AGAP1: variants seen among roughly 807,000 people sequenced by gnomAD.
The protein encoded by AGAP1 is arf-GAP with GTPase, ANK repeat and PH domain-containing protein 1.
In AGAP1, 29 loss-of-function variants were observed where a neutral mutation model predicts 105.3. That is an observed-to-expected ratio of 0.28 (90% CI 0.21 to 0.38). The LOEUF (loss-of-function observed/expected upper bound fraction) is 0.38, where lower values mean the gene tolerates loss of function less well. AGAP1 is among the 10% of genes least tolerant of loss of function. The pLI, the probability that AGAP1 is intolerant of heterozygous loss-of-function variation, is 1.00. For missense variants in AGAP1, 998 were observed against 1,165.1 expected (o/e 0.86, Z 2.09); for synonymous variants, 509 against 485.9 (o/e 1.05, Z -0.63).
intron 9 of AGAP1, among the ~76,000 whole-genome samples, chr2:235,837,228 G>A (rs550734260): frequency 2.0e-5 from 3 of 152,086 alleles, no homozygotes; most frequent in East Asian, 1.9e-4. Flanking sequence ...CAGGTGATCC[G>A]CCCACCTCGG....
At chr2:235,730,868 A>G (rs1023642536) in intron 3 of AGAP1, among the ~76,000 whole-genome samples, 2 of 152,006 alleles carry the variant, frequency 1.3e-5, no homozygotes, top group African/African-American at 4.8e-5. Context: ...GGTGGGGCCA[A>G]TCATTATGTG....
intron 16 of AGAP1, among the ~76,000 whole-genome samples, chr2:236,064,862 A>G (rs2058302658): frequency 1.3e-5 from 2 of 150,590 alleles, no homozygotes. Context: ...TTCTAAACAC[A>G]TAAAATGAAA....
intron 1 of AGAP1, among the ~76,000 whole-genome samples, chr2:235,594,889 T>TTG (rs1553575347): frequency 2.3e-4 from 34 of 150,710 alleles, no homozygotes; most frequent in African/African-American, 7.1e-4. Flanking sequence ...TGCTGTTTTT[T>TTG]TTTTTTTTTT....
Position 236,077,323 on chromosome 2 carries a change from C to CTT in AGAP1, c.2114+28056_2114+28057dup, listed in dbSNP as rs552986627. Among the ~76,000 whole-genome samples, 702 of 136,532 alleles carry CTT rather than the reference C, an allele frequency of 5.1e-3. 6 individuals are homozygous for CTT. Among genetic ancestry groups the CTT allele is most frequent in the South Asian group, 0.014 (59 of 4,162 alleles). The allele number at this position is 136,532 out of a possible 152,430, so 89.6% of individuals were successfully genotyped here. On this transcript the variant is annotated intron_variant, in intron 16 of 17. Coordinates refer to ENST00000304032, the MANE Select transcript of AGAP1 (RefSeq NM_001037131.3). ...TCTTCTCATGTCCTTATGTATGTCT[C>CTT]TTTTTTTTTTTTTTTGAGACAGTTT...
chr2:235,736,767 G>A lies in AGAP1; in HGVS notation c.311-4196G>A, dbSNP rs1360863396. ...GAGGTGGGAGGATCTTTTGAGCCTA[G>A]GCAGTCGAGGCTGCAGTGAGTCATG... On this transcript the variant is annotated intron_variant, in intron 3 of 17. Transcript: ENST00000304032. The surrounding 1 kb of genome is among the most constrained non-coding windows in gnomAD (Gnocchi z 5.5). Among the ~76,000 whole-genome samples the A allele has an allele frequency of 1.3e-5, 2 of 152,154 alleles. No individual in the cohort carries two copies. The highest frequency in any genetic ancestry group is 2.9e-5 in the Non-Finnish European group (2 of 68,024).
chr2:235,699,197 G>A (rs1188662171), intron 1 of AGAP1, among the ~76,000 whole-genome samples: 1 of 152,176 alleles, frequency 6.6e-6, no homozygotes, highest in African/African-American at 2.4e-5. Context: ...CTTTGGTGGG[G>A]TGTTACTGCT....
chr2:235,910,017 T>C, intron 11 of AGAP1, among the ~76,000 whole-genome samples: 1 of 58,462 alleles, frequency 1.7e-5, no homozygotes, highest in East Asian at 4.7e-3. Flanking sequence ...AGACTCTATC[T>C]CAAAAAAAAA....
At chr2:235,968,770 C>A in intron 13 of AGAP1, 147 bp downstream of exon 13, 1 of 786,200 alleles carries the variant, frequency 1.3e-6, no homozygotes, top group Non-Finnish European at 2.0e-6. Flanking sequence ...CAAGGTGGCA[C>A]GAGAGGGCCC....
Position 235,936,052 on chromosome 2 carries a change from C to G in AGAP1, c.1483+5129C>G, listed in dbSNP as rs541475583. Among the ~76,000 whole-genome samples the G allele has an allele frequency of 6.6e-6, 1 of 152,204 alleles. No homozygotes were observed. The highest frequency in any genetic ancestry group is 1.5e-5 in the Non-Finnish European group (1 of 68,038). On this transcript the variant is annotated intron_variant, in intron 12 of 17. Transcript: ENST00000304032. This position sits in a 1 kb window ranked among gnomAD's most constrained non-coding sequence, Gnocchi z 4.7. The stretch of plus-strand genomic sequence containing the variant: ...GCTAATGCTGTTGCCATGGCAGCCT[C>G]GCTCCCCCAGCCCTGGACTGTCAGG...
intron 9 of AGAP1, among the ~76,000 whole-genome samples, chr2:235,809,952 C>G (rs1360786932): frequency 6.6e-6 from 1 of 152,150 alleles, no homozygotes; most frequent in African/African-American, 2.4e-5. Context: ...GCTGTGTTCT[C>G]CTTATTTTAA....
chr2:235,828,436 G>A (rs764817380), intron 9 of AGAP1, among the ~76,000 whole-genome samples: 21 of 152,192 alleles, frequency 1.4e-4, no homozygotes, highest in Non-Finnish European at 2.2e-4. Context: ...GCTCAGAGAA[G>A]TTGAGCCACT....
Position 235,893,344 on chromosome 2 carries a change from G to A in AGAP1, c.1155+9895G>A, listed in dbSNP as rs990764326. Among the ~76,000 whole-genome samples the A allele has an allele frequency of 1.3e-5, 2 of 150,912 alleles. No individual in the cohort carries two copies. Among genetic ancestry groups the A allele is most frequent in the African/African-American group, 4.9e-5 (2 of 40,938 alleles). ...TCTGTGGCATGGGTGTGGCTTGTCTGTGGTGTGGGTGTGCCGTGTCCATCA... is the reference window on the plus strand; with the variant it reads ...TCTGTGGCATGGGTGTGGCTTGTCTATGGTGTGGGTGTGCCGTGTCCATCA... On this transcript the variant is annotated intron_variant, in intron 10 of 17. Transcript: ENST00000304032. The surrounding 1 kb of genome is among the most constrained non-coding windows in gnomAD (Gnocchi z 4.7).
At chr2:235,616,573 C>A (rs1049439409) in intron 1 of AGAP1, among the ~76,000 whole-genome samples, 4 of 151,634 alleles carry the variant, frequency 2.6e-5, no homozygotes, top group Non-Finnish European at 5.9e-5. Flanking sequence ...AATTTCATTT[C>A]TGCCTATCTT....
rs1007841131 is a variant in AGAP1, at chr2:235,963,617, G to A, written c.1484-4845G>A. ...TATGTGAGCTGAACACAAAGACAGT[G>A]TAATTTATCTAGGCTCAGTGGTCAC... On this transcript the variant is annotated intron_variant, in intron 12 of 17. Transcript: ENST00000304032. The surrounding 1 kb of genome is among the most constrained non-coding windows in gnomAD (Gnocchi z 5.1). Among the ~76,000 whole-genome samples, 1 of 152,188 alleles carries A rather than the reference G, an allele frequency of 6.6e-6. No homozygotes were observed. Among genetic ancestry groups the A allele is most frequent in the Non-Finnish European group, 1.5e-5 (1 of 68,024 alleles).
chr2:235,639,642 T>G lies in AGAP1; in HGVS notation c.164-69537T>G, dbSNP rs953817393. Among the ~76,000 whole-genome samples, 1 of 152,172 alleles carries G rather than the reference T, an allele frequency of 6.6e-6. No homozygotes were observed. Among genetic ancestry groups the G allele is most frequent in the Non-Finnish European group, 1.5e-5 (1 of 68,038 alleles). On this transcript the variant is annotated intron_variant, in intron 1 of 17. Transcript: ENST00000304032. The surrounding 1 kb of genome is among the most constrained non-coding windows in gnomAD (Gnocchi z 5.3). Reference sequence around the variant, plus strand: ...CTGTGTTTCTGGTGCCCAAATGTTCTGGGCACACTGTTGTTTGGGGAAGAA... The same window carrying G: ...CTGTGTTTCTGGTGCCCAAATGTTCGGGGCACACTGTTGTTTGGGGAAGAA...
At chr2:235,628,878 C>G (rs1946728363) in intron 1 of AGAP1, among the ~76,000 whole-genome samples, 1 of 152,150 alleles carries the variant, frequency 6.6e-6, no homozygotes, top group South Asian at 2.1e-4. Context: ...GTGCTGTGAT[C>G]TTGGCTCACT....
At position 235,725,380 on chromosome 2, in the gene AGAP1, G is replaced by A. The variant is rs1226088087; in HGVS notation, c.310+7736G>A. Among the ~76,000 whole-genome samples, 2 of 152,056 alleles carry A rather than the reference G, an allele frequency of 1.3e-5. No homozygotes were observed. Among genetic ancestry groups the A allele is most frequent in the African/African-American group, 4.8e-5 (2 of 41,388 alleles). Reference sequence around the variant, plus strand: ...TCTGGGACACATGAAGTGTGTTTAAGCTGTCAGCTCCAAAAACCCTTTCCA... The same window carrying A: ...TCTGGGACACATGAAGTGTGTTTAAACTGTCAGCTCCAAAAACCCTTTCCA... On this transcript the variant is annotated intron_variant, in intron 3 of 17. Coordinates refer to ENST00000304032, the MANE Select transcript of AGAP1 (RefSeq NM_001037131.3). This position sits in a 1 kb window ranked among gnomAD's most constrained non-coding sequence, Gnocchi z 5.7.
At chr2:235,786,400 C>G (rs537210432) in intron 6 of AGAP1, among the ~76,000 whole-genome samples, 3 of 152,332 alleles carry the variant, frequency 2.0e-5, no homozygotes, top group Middle Eastern at 6.8e-3. Context: ...GAAAGCTCTG[C>G]TCTTCGGAAG....
At chr2:235,774,044 C>G in intron 6 of AGAP1, 1 of 443,880 alleles carries the variant, frequency 2.3e-6, no homozygotes, top group East Asian at 7.0e-5. Context: ...ACTATTATGA[C>G]TACGATGAAC....
Sources: allele counts gnomAD v4.1 joint callset (sites outside exome capture counted in the v4.1 genomes callset), GRCh38; gene constraint gnomAD v4.1.1; non-coding constraint Gnocchi (gnomAD v3.1); transcripts MANE v1.5; gene names NCBI Gene and HGNC (gene_info 2026-07-23, HGNC 2026-07-21).